Variants in CSMD1 observed in about 807,000 individuals in gnomAD.
CSMD1 encodes CUB and Sushi multiple domains 1, also known as CUB and sushi domain-containing protein 1.
Under a neutral mutation model 417.5 loss-of-function variants are expected in CSMD1, and 213 were observed. The ratio of observed to expected loss-of-function variants is 0.51; its 90% CI spans 0.46 to 0.57. CSMD1 has a LOEUF of 0.57. Among genes scored for constraint, CSMD1 ranks in the 20% least tolerant of loss-of-function variants. The pLI is 0.00. For missense variants in CSMD1, 6,923 were observed against 4,529.7 expected, an observed-to-expected ratio of 1.53 and a Z score of -15.17; for synonymous variants, 2,862 against 1,736.8, an observed-to-expected ratio of 1.65 and a Z score of -16.11.
chr8:3,660,971 G>A (rs1197262346), intron 7 of CSMD1, among the ~76,000 whole-genome samples: 1 of 152,186 alleles, frequency 6.6e-6, no homozygotes, highest in African/African-American at 2.4e-5. Context: ...AAGCAGAGGT[G>A]AGGGATTGGC....
chr8:3,394,770 G>A (rs1455818883), intron 17 of CSMD1, among the ~76,000 whole-genome samples: 1 of 152,014 alleles, frequency 6.6e-6, no homozygotes, highest in Non-Finnish European at 1.5e-5. Context: ...GAAACAAAAT[G>A]TAAAATTTCC....
chr8:3,706,685 A>C (rs1326855544), intron 7 of CSMD1, among the ~76,000 whole-genome samples: 2 of 152,166 alleles, frequency 1.3e-5, no homozygotes, highest in East Asian at 3.8e-4. Context: ...CCTGATATTG[A>C]TTTAATGTAA....
chr8:2,966,286 C>A (rs144308419), intron 58 of CSMD1, among the ~76,000 whole-genome samples: 137 of 152,244 alleles, frequency 9.0e-4, no homozygotes, highest in African/African-American at 2.9e-3. Context: ...TCTTTCTCTG[C>A]AGACCCAGTG....
intron 5 of CSMD1, among the ~76,000 whole-genome samples, chr8:3,836,918 C>G (rs975050337): frequency 2.0e-5 from 3 of 150,828 alleles, no homozygotes; most frequent in Non-Finnish European, 4.4e-5. Context: ...CATTATTTTC[C>G]TAGTTAAATC....
intron 1 of CSMD1, among the ~76,000 whole-genome samples, chr8:4,692,362 G>T (rs528099644): frequency 6.6e-6 from 1 of 152,022 alleles, no homozygotes; most frequent in East Asian, 1.9e-4. Context: ...ACAACAAAAC[G>T]AAACAAAAAA....
chr8:4,698,095 G>C (rs979334435), intron 1 of CSMD1, among the ~76,000 whole-genome samples: 5 of 149,414 alleles, frequency 3.3e-5, no homozygotes, highest in Non-Finnish European at 7.4e-5. Context: ...AAATATAAAT[G>C]AATTCCCAAA....
chr8:3,450,613 C>T (rs1044654310), intron 12 of CSMD1, among the ~76,000 whole-genome samples: 1 of 151,844 alleles, frequency 6.6e-6, no homozygotes, highest in South Asian at 2.1e-4. Flanking sequence ...TGGTTTCCAG[C>T]TTCATCCATG....
At chr8:4,316,539 A>T (rs987628075) in intron 3 of CSMD1, among the ~76,000 whole-genome samples, 10 of 152,112 alleles carry the variant, frequency 6.6e-5, no homozygotes, top group Admixed American at 3.3e-4. Context: ...ATTTCTGGTA[A>T]AATAATTATA....
chr8:4,360,864 T>A (rs566578788), intron 3 of CSMD1, among the ~76,000 whole-genome samples: 1 of 152,260 alleles, frequency 6.6e-6, no homozygotes, highest in African/African-American at 2.4e-5. Flanking sequence ...TTATCTATCT[T>A]TAATATTGGT....
At chr8:3,736,840 C>G (rs550488878) in intron 6 of CSMD1, among the ~76,000 whole-genome samples, 6 of 152,146 alleles carry the variant, frequency 3.9e-5, no homozygotes, top group African/African-American at 1.4e-4. Context: ...TGGGATGTTA[C>G]GTATGTCTAC....
At position 3,417,592 on chromosome 8, in the gene CSMD1, G is replaced by A. The variant is rs534663135; in HGVS notation, c.1562-7987C>T. Among the ~76,000 whole-genome samples the A allele has an allele frequency of 4.2e-4, 64 of 152,236 alleles. 1 individual carries two copies. The South Asian group carries it at 7.7e-3, about 18-fold the overall frequency. On this transcript the variant is annotated intron_variant, in intron 12 of 69. Transcript: ENST00000635120. ...CAGGGCTGCCATAGCTACTACATGCGGGAAGTGTTAATGAACAGATTAAAA... is the reference window on the plus strand; with the variant it reads ...CAGGGCTGCCATAGCTACTACATGCAGGAAGTGTTAATGAACAGATTAAAA...
At chr8:3,432,350 T>G (rs981147177) in intron 12 of CSMD1, among the ~76,000 whole-genome samples, 1 of 152,130 alleles carries the variant, frequency 6.6e-6, no homozygotes, top group Non-Finnish European at 1.5e-5. Flanking sequence ...CTCCTTAGCA[T>G]TGTCAAGTGA....
At chr8:3,742,974 A>C (rs888799453) in intron 6 of CSMD1, among the ~76,000 whole-genome samples, 1 of 152,212 alleles carries the variant, frequency 6.6e-6, no homozygotes. Flanking sequence ...CACAGACTAC[A>C]CAACTAGTGG....
intron 2 of CSMD1, among the ~76,000 whole-genome samples, chr8:4,555,699 G>T (rs1012080311): frequency 1.3e-5 from 2 of 152,164 alleles, no homozygotes; most frequent in African/African-American, 4.8e-5. Flanking sequence ...CTTTAGGGGT[G>T]AGATTCTTCA....
chr8:3,732,990 C>A (rs886700266), intron 6 of CSMD1, among the ~76,000 whole-genome samples: 1 of 152,076 alleles, frequency 6.6e-6, no homozygotes, highest in East Asian at 1.9e-4. Context: ...TACCTACCTA[C>A]CTACCTAAAG....
intron 3 of CSMD1, among the ~76,000 whole-genome samples, chr8:4,059,845 G>T (rs1306710121): frequency 6.7e-6 from 1 of 149,100 alleles, no homozygotes; most frequent in Non-Finnish European, 1.5e-5. Flanking sequence ...TGGATTCACA[G>T]CCGAATATTA....
At chr8:4,940,412 A>T (rs1186777973) in intron 1 of CSMD1, among the ~76,000 whole-genome samples, 1 of 152,244 alleles carries the variant, frequency 6.6e-6, no homozygotes, top group East Asian at 1.9e-4. Flanking sequence ...AATTCCAATT[A>T]TGTGTAAAAT....
At chr8:3,411,959 TATATATGCAC>T (rs1812787850) in intron 12 of CSMD1, among the ~76,000 whole-genome samples, 1 of 55,072 alleles carries the variant, frequency 1.8e-5, no homozygotes, top group African/African-American at 6.6e-5. Flanking sequence ...TATATACACG[TATATATGCAC>T]GTATATATAC....
chr8:3,281,595 G>A (rs548549124), intron 26 of CSMD1, among the ~76,000 whole-genome samples: 3 of 152,280 alleles, frequency 2.0e-5, no homozygotes, highest in African/African-American at 7.2e-5. Context: ...GCCACACACT[G>A]CGTGATTCTA....
Sources: allele counts gnomAD v4.1 joint callset (sites outside exome capture counted in the v4.1 genomes callset), GRCh38; gene constraint gnomAD v4.1.1; transcripts MANE v1.5; gene names NCBI Gene and HGNC (gene_info 2026-07-23, HGNC 2026-07-21).